The following SLC17A5 variants were observed in gnomAD, a reference collection of about 807,000 sequenced individuals.
SLC17A5 encodes the protein sialin.
SLC17A5 carries 47 observed loss-of-function variants against 59.4 expected under a neutral mutation model. That is an observed-to-expected ratio of 0.79 (90% CI 0.63 to 1.01). The LOEUF (loss-of-function observed/expected upper bound fraction) is 1.01, where lower values mean the gene tolerates loss of function less well. SLC17A5 is among the 50% of genes least tolerant of loss of function. The pLI, the probability that SLC17A5 is intolerant of heterozygous loss-of-function variation, is 0.00. For synonymous variants in SLC17A5, 202 were observed against 210.7 expected (o/e 0.96, Z 0.36); for missense variants, 522 against 595.5 (o/e 0.88, Z 1.28).
chr6:73,641,815 C>A lies in SLC17A5; in HGVS notation c.401G>T (p.Gly134Val). The A allele has an allele frequency of 6.2e-7, 1 of 1,614,156 alleles. No individual in the cohort carries two copies. The highest frequency in any genetic ancestry group is 8.5e-7 in the Non-Finnish European group (1 of 1,180,026). The change falls in exon 3 of 11, where the codon GGG becomes GTG. Residue 134 changes from glycine to valine, a missense_variant. Gly to Val is a moderately radical substitution (Grantham distance 109, BLOSUM62 -3). This residue lies in a region of SLC17A5 where 338 missense variants were observed against 363.8 expected (regional missense o/e 0.93). Coordinates refer to ENST00000355773, the MANE Select transcript of SLC17A5 (RefSeq NM_012434.5). ...IPGGYVASKI[G>V]GKMLLGFGIL... ...CCCAAATCCTAGCAGCATTTTCCCCCCTATTTTGCTGGCAACATATCCTCC... is the reference window on the plus strand; with the variant it reads ...CCCAAATCCTAGCAGCATTTTCCCCACTATTTTGCTGGCAACATATCCTCC...
intron 9 of SLC17A5, among the ~76,000 whole-genome samples, chr6:73,602,946 T>G (rs1021947229): frequency 2.0e-4 from 31 of 151,830 alleles, no homozygotes; most frequent in Non-Finnish European, 7.4e-5. Context: ...AATTCAATTG[T>G]AATTAATTTT....
chr6:73,613,116 G>T (rs1279470138), intron 8 of SLC17A5, among the ~76,000 whole-genome samples: 2 of 152,016 alleles, frequency 1.3e-5, no homozygotes, highest in African/African-American at 4.8e-5. Context: ...TGAGTTCTTT[G>T]ATTTATAGCT....
chr6:73,603,055 AT>A (rs979955438), intron 9 of SLC17A5, among the ~76,000 whole-genome samples: 5 of 152,074 alleles, frequency 3.3e-5, no homozygotes, highest in African/African-American at 4.8e-5. Context: ...TAAATATCCT[AT>A]TTTTTTCTGT....
rs3215664 is a variant in SLC17A5, at chr6:73,636,367, A to AT, written c.700+253dup. 0.16 allele frequency among the ~76,000 whole-genome samples: 24,733 copies of AT among 151,820 alleles called. 3,126 individuals carry two copies. Among genetic ancestry groups the AT allele is most frequent in the African/African-American group, 0.35 (14,272 of 41,310 alleles). The stretch of plus-strand genomic sequence containing the variant: ...GAAATTCAAAATACCTAAGATAGTG[A>AT]TTTTTTGATAGCAAATGTACTATTT... On this transcript the variant is annotated intron_variant, in intron 5 of 10. Coordinates refer to ENST00000355773, the MANE Select transcript of SLC17A5 (RefSeq NM_012434.5).
chr6:73,636,494 G>T, intron 5 of SLC17A5, 127 bp downstream of exon 5: 1 of 633,730 alleles, frequency 1.6e-6, no homozygotes. Flanking sequence ...TGAAAAACAG[G>T]TTATCAGGAA....
At chr6:73,621,241 G>C (rs1215917399) in intron 7 of SLC17A5, among the ~76,000 whole-genome samples, 3 of 152,216 alleles carry the variant, frequency 2.0e-5, no homozygotes, top group Non-Finnish European at 2.9e-5. Flanking sequence ...CTGACCTCAG[G>C]TGATCCGCCT....
intron 4 of SLC17A5, among the ~76,000 whole-genome samples, chr6:73,638,030 C>T (rs1335840867): frequency 1.3e-5 from 2 of 151,658 alleles, no homozygotes; most frequent in Non-Finnish European, 2.9e-5. Context: ...GACAAAAACA[C>T]TCAATTTTCT....
chr6:73,596,887 G>A (rs187410858), intron 10 of SLC17A5, among the ~76,000 whole-genome samples: 109 of 128,930 alleles, frequency 8.5e-4, no homozygotes, highest in African/African-American at 2.8e-3. Context: ...CTGGTTGGGC[G>A]TGGTGGCTCA....
chr6:73,645,746 C>T (rs527398120), intron 1 of SLC17A5, among the ~76,000 whole-genome samples: 2 of 148,600 alleles, frequency 1.3e-5, no homozygotes, highest in East Asian at 2.0e-4. Flanking sequence ...GGAGATCGCG[C>T]CACTGCACTC....
At chr6:73,609,733 A>G (rs1767562247) in intron 9 of SLC17A5, among the ~76,000 whole-genome samples, 1 of 152,242 alleles carries the variant, frequency 6.6e-6, no homozygotes. Flanking sequence ...AGGTGATGAT[A>G]GTTAAAAGTT....
rs1279505129 is a variant in SLC17A5 at position 73,641,809 on chromosome 6, T to C, written c.407A>G (p.Lys136Arg). 1 of 1,614,160 alleles carries C rather than the reference T, an allele frequency of 6.2e-7. No homozygotes were observed. Among genetic ancestry groups the C allele is most frequent in the Admixed American group, 1.7e-5 (1 of 60,014 alleles). Residue 136 changes from lysine (K) to arginine (R), a missense_variant, in exon 3 of 11, where the codon AAA becomes AGA. Transcript: ENST00000355773. The stretch of plus-strand genomic sequence containing the variant: ...AAGGATCCCAAATCCTAGCAGCATT[T>C]TCCCCCCTATTTTGCTGGCAACATA... ...GGYVASKIGG[K>R]MLLGFGILGT...
chr6:73,648,625 C>T (rs902731848), intron 1 of SLC17A5, among the ~76,000 whole-genome samples: 3 of 152,168 alleles, frequency 2.0e-5, no homozygotes, highest in Admixed American at 1.3e-4. Context: ...ATAGCAGGCA[C>T]TTAGTAAAAA....
Position 73,638,498 on chromosome 6 carries a change from C to A in SLC17A5, c.527G>T (p.Gly176Val). The A allele has an allele frequency of 6.2e-7, 1 of 1,611,382 alleles. No homozygotes were observed. The highest frequency in any genetic ancestry group is 1.3e-5 in the African/African-American group (1 of 74,926). ...VLRALEGLGE[G>V]VTFPAMHAMW... ...GGCATGCATGGCTGGAAATGTAACA[C>A]CCTGAGAGAAGGGAACATGATATTT... The change falls in exon 4 of 11, where the codon GGT (glycine) becomes GTT (valine). Residue 176 changes from glycine (G) to valine (V), a missense_variant and splice_region_variant. Transcript: ENST00000355773.
rs2150086711 is a variant in SLC17A5 at position 73,610,519 on chromosome 6, T to G, written c.1140A>C (p.Val380=). The change falls in exon 9 of 11, where the codon GTA becomes GTC. Residue 380 remains valine (V), a synonymous_variant. Coordinates refer to ENST00000355773, the MANE Select transcript of SLC17A5 (RefSeq NM_012434.5). ...AATCACAGCCAATGAAGCCAGCAGC[T>G]ACCAGGAATACTGCAGGTCCAATCA... The part of the protein sequence containing the change: ...IGMIGPAVFL[V]AAGFIGCDYS... 3.7e-6 allele frequency: 6 copies of G among 1,614,132 alleles called. No individual in the cohort carries two copies. The highest frequency in any genetic ancestry group is 5.1e-6 in the Non-Finnish European group (6 of 1,180,028).
In SLC17A5 at chr6:73,638,476, A is replaced by C. The variant is rs762747160; in HGVS notation, c.549T>G (p.His183Gln). 6.2e-7 allele frequency: 1 copy of C among 1,613,930 alleles called. No homozygotes were observed. Among genetic ancestry groups the C allele is most frequent in the Admixed American group, 1.7e-5 (1 of 60,000 alleles). ...LGEGVTFPAM[H>Q]AMWSSWAPPL... The stretch of plus-strand genomic sequence containing the variant: ...GGGGAGCCCAAGAAGACCACATGGC[A>C]TGCATGGCTGGAAATGTAACACCCT... Residue 183 changes from histidine (H) to glutamine (Q), a missense_variant, in exon 4 of 11, where the codon CAT becomes CAG. Coordinates refer to ENST00000355773, the MANE Select transcript of SLC17A5 (RefSeq NM_012434.5).
In SLC17A5 at chr6:73,618,166, T is replaced by C. The variant is rs555522123; in HGVS notation, c.979-2719A>G. ...ATCGCTTGAACCCGGGAGGTGGAGG[T>C]TGCAGTGAGCTGAGGTCGTACCACT... On this transcript the variant is annotated intron_variant, in intron 7 of 10. Coordinates refer to ENST00000355773, the MANE Select transcript of SLC17A5 (RefSeq NM_012434.5). Among the ~76,000 whole-genome samples, 25 of 150,580 alleles carry C rather than the reference T, an allele frequency of 1.7e-4. 1 individual carries two copies. The highest frequency in any genetic ancestry group is 5.6e-4 in the African/African-American group (23 of 40,942).
intron 3 of SLC17A5, among the ~76,000 whole-genome samples, chr6:73,638,789 G>C (rs574933035): frequency 1.3e-5 from 2 of 151,088 alleles, no homozygotes; most frequent in South Asian, 4.2e-4. Flanking sequence ...GGGTAACGTA[G>C]TGAGACACCA....
intron 6 of SLC17A5, among the ~76,000 whole-genome samples, chr6:73,629,190 C>A (rs1039492700): frequency 1.3e-5 from 2 of 151,954 alleles, no homozygotes; most frequent in Non-Finnish European, 2.9e-5. Flanking sequence ...AAGTTCAAGA[C>A]CAGCCTGGGC....
intron 6 of SLC17A5, among the ~76,000 whole-genome samples, chr6:73,633,566 T>C (rs1385824090): frequency 1.3e-5 from 2 of 151,860 alleles, no homozygotes; most frequent in Admixed American, 1.3e-4. Flanking sequence ...CCTGGTTATA[T>C]TGTATATAAA....
Sources: allele counts gnomAD v4.1 joint callset (sites outside exome capture counted in the v4.1 genomes callset), GRCh38; gene constraint gnomAD v4.1.1; regional missense constraint gnomAD v4.1.1; transcripts MANE v1.5; gene names NCBI Gene and HGNC (gene_info 2026-07-23, HGNC 2026-07-21).